Variants in INAVA observed in about 807,000 individuals in gnomAD.
INAVA encodes the protein innate immunity activator.
INAVA carries 32 observed loss-of-function variants against 55.3 expected under a neutral mutation model. The ratio of observed to expected loss-of-function variants is 0.58; its 90% CI spans 0.44 to 0.78. The LOEUF is 0.78. Ranked by LOEUF, INAVA falls within the 30% of genes least tolerant of loss-of-function variation. The probability of loss-of-function intolerance (pLI) is 0.00; values close to 1 mark genes in which losing one functional copy is unlikely to be tolerated. For synonymous variants in INAVA, 294 were observed against 329.4 expected, an observed-to-expected ratio of 0.89 and a Z score of 1.16; for missense variants, 756 against 786.4, an observed-to-expected ratio of 0.96 and a Z score of 0.46.
chr1:200,894,055 G>A (rs1162784313), upstream of INAVA, among the ~76,000 whole-genome samples: 2 of 152,146 alleles, frequency 1.3e-5, no homozygotes, highest in Non-Finnish European at 1.5e-5. Flanking sequence ...CCTTGAAATA[G>A]GCTAGATTCC....
chr1:200,895,562 C>T (rs1221702441), intron 1 of INAVA, among the ~76,000 whole-genome samples: 1 of 152,100 alleles, frequency 6.6e-6, no homozygotes, highest in East Asian at 1.9e-4. Flanking sequence ...GTTACCTGAA[C>T]TGCCTTTATC....
chr1:200,898,250 G>A, intron 1 of INAVA, 57 bp from the exon 2 acceptor site: 1 of 1,568,774 alleles, frequency 6.4e-7, no homozygotes, highest in Non-Finnish European at 8.6e-7. Flanking sequence ...TCAGCTTTTT[G>A]TAACCAAGAT....
upstream of INAVA, among the ~76,000 whole-genome samples, chr1:200,892,250 C>T (rs1041152666): frequency 2.9e-4 from 44 of 152,310 alleles, no homozygotes; most frequent in African/African-American, 1.0e-3. Context: ...ACTGTTGTCT[C>T]TAGCGCTGGC....
At chr1:200,898,183 C>A in intron 1 of INAVA, 124 bp from the exon 2 acceptor site, 1 of 1,039,978 alleles carries the variant, frequency 9.6e-7, no homozygotes. Context: ...ATCTCCTGCC[C>A]CAGATGGTTC....
rs767302636 is a variant in INAVA at position 200,909,386 on chromosome 1, G to T, written c.948G>T (p.Ser316=). The change falls in exon 8 of 10, where the codon TCG becomes TCT. Residue 316 remains serine, a synonymous_variant. Transcript: ENST00000413687. ...TPEIQGRRGQ[S]QSLRVDSFRA... ...AGATACAGGGGAGGAGGGGCCAGTC[G>T]CAGTCTCTGAGGTAAGAGACAGCTT... 6.3e-7 allele frequency: 1 copy of T among 1,597,892 alleles called. No homozygotes were observed. The highest frequency in any genetic ancestry group is 1.7e-5 in the Admixed American group (1 of 58,974).
chr1:200,900,011 C>A, intron 3 of INAVA, 93 bp from the exon 4 acceptor site: 1 of 1,080,716 alleles, frequency 9.3e-7, no homozygotes. Context: ...CCCACCAGGG[C>A]TTCTATGGAA....
chr1:200,907,338 AT>A (rs1250917623), intron 5 of INAVA, among the ~76,000 whole-genome samples: 1 of 151,670 alleles, frequency 6.6e-6, no homozygotes, highest in African/African-American at 2.4e-5. Context: ...TCTGCCTTCT[AT>A]TTTTTTCTAC....
chr1:200,895,676 GGGC>G (rs1213080526), intron 1 of INAVA, among the ~76,000 whole-genome samples: 2 of 152,164 alleles, frequency 1.3e-5, no homozygotes, highest in Non-Finnish European at 2.9e-5. Context: ...CAGCTGTGGA[GGGC>G]GGCCTCGGCA....
chr1:200,899,085 TTA>T, intron 2 of INAVA, among the ~76,000 whole-genome samples: 1 of 151,868 alleles, frequency 6.6e-6, no homozygotes, highest in South Asian at 2.1e-4. Context: ...AAGAAGAGGC[TTA>T]TGTGTGTGTG....
chr1:200,907,750 T>C, intron 5 of INAVA, 84 bp from the exon 6 acceptor site: 1 of 1,129,052 alleles, frequency 8.9e-7, no homozygotes, highest in Admixed American at 1.8e-5. Flanking sequence ...TGATCAGGCC[T>C]GAGCTGCTCA....
At position 200,911,784 on chromosome 1, in the gene INAVA, T is replaced by A; in HGVS notation, c.1291T>A (p.Tyr431Asn). 1 of 1,610,766 alleles carries A rather than the reference T, an allele frequency of 6.2e-7. No individual in the cohort carries two copies. The change falls in exon 9 of 10, where the codon TAT becomes AAT. Residue 431 changes from tyrosine (Y) to asparagine (N), a missense_variant. Physicochemically the swap from Tyr to Asn is moderately radical, Grantham distance 143. Around this residue, in one of 2 missense-constraint regions of INAVA, gnomAD observed 639 missense variants for 624.3 expected, o/e 1.02. Transcript: ENST00000413687. ...CCCCAAGCTACTGCTGCCGCCTGGC[T>A]ATTTCCCGGCGGGGCGGTACGTGGT... The part of the protein sequence containing the change: ...HHPKLLLPPG[Y>N]FPAGRYVVVA...
chr1:200,908,608 C>T lies in INAVA; in HGVS notation c.575-122C>T, dbSNP rs939139513. ...CATCTAGGGCTGGAGCCATGGCCTG[C>T]AGCAGCTGCACAAGCCAGCATGGGA... On this transcript the variant is annotated intron_variant, in intron 6 of 9. Coordinates refer to ENST00000413687, the MANE Select transcript of INAVA (RefSeq NM_001142569.3). 7.4e-6 allele frequency: 6 copies of T among 810,348 alleles called. No individual in the cohort carries two copies. In the East Asian group the frequency reaches 1.3e-4, roughly 18 times the overall value. 50.2% of individuals were successfully genotyped at this position (810,348 alleles called of 1,614,324 possible).
At position 200,901,118 on chromosome 1, in the gene INAVA, A is replaced by T; in HGVS notation, c.479A>T (p.Asn160Ile). Residue 160 changes from asparagine (N) to isoleucine (I), a missense_variant, in exon 5 of 10, where the codon AAT becomes ATT. This residue lies in a region of INAVA where 639 missense variants were observed against 624.3 expected (regional missense o/e 1.02). Transcript: ENST00000413687. ...CGCTGCCTGGTCGAGCGGCGGCGCA[A>T]TAGCGAGCCACCTCCGGCTGCTGCT... ...LQRCLVERRRNSEPPPAAALP... is the reference protein window; with the variant it reads ...LQRCLVERRRISEPPPAAALP... 1 of 1,530,326 alleles carries T rather than the reference A, an allele frequency of 6.5e-7. No individual in the cohort carries two copies. Among genetic ancestry groups the T allele is most frequent in the Non-Finnish European group, 8.8e-7 (1 of 1,142,682 alleles). 94.8% of individuals were successfully genotyped at this position (1,530,326 alleles called of 1,614,324 possible).
intron 5 of INAVA, 72 bp downstream of exon 5, chr1:200,901,231 G>C: frequency 7.3e-7 from 1 of 1,362,256 alleles, no homozygotes. Context: ...GCACAGCCCC[G>C]TGCCACTGCC....
At chr1:200,904,610 G>A (rs751699096) in intron 5 of INAVA, among the ~76,000 whole-genome samples, 13 of 152,306 alleles carry the variant, frequency 8.5e-5, no homozygotes, top group Admixed American at 5.2e-4. Context: ...AATCTCCACC[G>A]TTACCCCTCT....
chr1:200,904,617 CTCTG>C (rs1243818989), intron 5 of INAVA, among the ~76,000 whole-genome samples: 1 of 152,214 alleles, frequency 6.6e-6, no homozygotes, highest in East Asian at 1.9e-4. Context: ...ACCGTTACCC[CTCTG>C]TCTGGGGTGT....
rs41269923 is a variant in INAVA at position 200,898,444 on chromosome 1, T to A, written c.44T>A (p.Ile15Asn). 15,166 of 1,613,962 alleles carry A rather than the reference T, an allele frequency of 9.4e-3. 104 individuals carry two copies. Among genetic ancestry groups the A allele is most frequent in the Non-Finnish European group, 0.011 (13,063 of 1,179,948 alleles). Residue 15 changes from isoleucine to asparagine, a missense_variant, in exon 2 of 10, where the codon ATC (isoleucine) becomes AAC (asparagine). Transcript: ENST00000413687. ...GTCAGCGACACCGACAGTGGCATCA[T>A]CCTGCAGTCTGGTGAGTGTTCAGGG... ...DEVSDTDSGI[I>N]LQSGPDSPVS...
At chr1:200,906,468 G>A (rs60257241) in intron 5 of INAVA, 13,941 of 143,108 alleles carry the variant, frequency 0.097, 799 homozygotes, top group Non-Finnish European at 0.12. Flanking sequence ...GCAGTGAGTC[G>A]AGATCACACC....
chr1:200,894,228 T>C (rs903054201), upstream of INAVA, among the ~76,000 whole-genome samples: 1 of 152,100 alleles, frequency 6.6e-6, no homozygotes, highest in Non-Finnish European at 1.5e-5. Flanking sequence ...GGACTTGGGC[T>C]CAGGTCAGTG....
Sources: gnomAD v4.1 joint callset for allele counts (sites outside exome capture counted in the v4.1 genomes callset) on GRCh38, gnomAD v4.1.1 for gene constraint, gnomAD v4.1.1 regional missense constraint, MANE v1.5 for transcripts, NCBI Gene and HGNC (gene_info 2026-07-23, HGNC 2026-07-21) for gene names.